SDK1: variants seen among roughly 807,000 people sequenced by gnomAD.
SDK1 encodes the protein sidekick cell adhesion molecule 1.
Under a neutral mutation model 245.5 loss-of-function variants are expected in SDK1, and 157 were observed. The observed-to-expected ratio is 0.64, with a 90% confidence interval of 0.56 to 0.73. SDK1 has a LOEUF of 0.73. SDK1 is among the 30% of genes least tolerant of loss of function. The pLI is 0.00. For synonymous variants in SDK1, 1,647 were observed against 1,278.5 expected (o/e 1.29, Z -6.15); for missense variants, 3,583 against 3,002.3 (o/e 1.19, Z -4.52).
chr7:3,677,040 G>C (rs1783924212), intron 4 of SDK1, among the ~76,000 whole-genome samples: 1 of 152,108 alleles, frequency 6.6e-6, no homozygotes, highest in Admixed American at 6.6e-5. Flanking sequence ...TGGCCTCTGG[G>C]ATGTTTGTTT....
intron 1 of SDK1, among the ~76,000 whole-genome samples, chr7:3,536,676 A>G (rs909455784): frequency 3.3e-5 from 5 of 151,946 alleles, no homozygotes; most frequent in Non-Finnish European, 7.4e-5. Flanking sequence ...CCTGGGCAAC[A>G]GAGTGGGACT....
chr7:3,949,404 T>G (rs777617999), intron 5 of SDK1, among the ~76,000 whole-genome samples: 1 of 152,210 alleles, frequency 6.6e-6, no homozygotes, highest in Non-Finnish European at 1.5e-5. Flanking sequence ...TCAGAGCTGA[T>G]GAGAAGCCCG....
chr7:4,158,521 G>C lies in SDK1; in HGVS notation c.4699G>C (p.Glu1567Gln). 1.2e-6 allele frequency: 2 copies of C among 1,613,792 alleles called. No individual in the cohort carries two copies. Among genetic ancestry groups the C allele is most frequent in the South Asian group, 1.1e-5 (1 of 91,086 alleles). Residue 1567 changes from glutamate (E) to glutamine (Q), a missense_variant, in exon 31 of 45, where the codon GAG becomes CAG. Coordinates refer to ENST00000404826, the MANE Select transcript of SDK1 (RefSeq NM_152744.4). ...CATTGGGGACAGTGACTTCAGTTCA[G>C]AGACAGAGGCGGTGACCACGCTGCA... ...NDIGDSDFSSETEAVTTLQDV... is the reference protein window; with the variant it reads ...NDIGDSDFSSQTEAVTTLQDV...
chr7:3,917,014 C>CT (rs748943991), intron 5 of SDK1, among the ~76,000 whole-genome samples: 26 of 152,190 alleles, frequency 1.7e-4, no homozygotes, highest in Non-Finnish European at 2.9e-4. Context: ...AGCTCACAGA[C>CT]TGGGGGCAAA....
At chr7:3,424,686 C>T (rs572414899) in intron 1 of SDK1, among the ~76,000 whole-genome samples, 4 of 152,124 alleles carry the variant, frequency 2.6e-5, no homozygotes, top group South Asian at 2.1e-4. Context: ...CGCTTGAGGC[C>T]GGGAGTTCGA....
intron 30 of SDK1, among the ~76,000 whole-genome samples, chr7:4,157,115 G>A (rs920437324): frequency 2.0e-5 from 3 of 152,146 alleles, no homozygotes; most frequent in Admixed American, 6.5e-5. Flanking sequence ...GGGTTGCAGG[G>A]CGGGTCCCTG....
At chr7:3,701,686 G>A (rs999835847) in intron 4 of SDK1, among the ~76,000 whole-genome samples, 2 of 152,004 alleles carry the variant, frequency 1.3e-5, no homozygotes, top group Non-Finnish European at 2.9e-5. Flanking sequence ...TGGAAAAGAC[G>A]GATAAGGTAC....
chr7:4,255,851 G>T (rs749367130), intron 44 of SDK1, among the ~76,000 whole-genome samples: 1 of 151,524 alleles, frequency 6.6e-6, no homozygotes, highest in Non-Finnish European at 1.5e-5. Flanking sequence ...GAGATTTAGC[G>T]CAGATCTTGT....
intron 42 of SDK1, among the ~76,000 whole-genome samples, chr7:4,239,240 A>G (rs539871419): frequency 5.2e-4 from 79 of 152,314 alleles, no homozygotes; most frequent in Non-Finnish European, 8.4e-4. Flanking sequence ...ATTTACATGA[A>G]GGCCAGGAAC....
intron 1 of SDK1, among the ~76,000 whole-genome samples, chr7:3,465,621 G>T (rs181772275): frequency 6.6e-6 from 1 of 152,108 alleles, no homozygotes; most frequent in African/African-American, 2.4e-5. Context: ...GTGAACACAC[G>T]CATCCTGATT....
At chr7:4,215,673 G>A (rs1408608857) in intron 38 of SDK1, among the ~76,000 whole-genome samples, 1 of 152,260 alleles carries the variant, frequency 6.6e-6, no homozygotes, top group Non-Finnish European at 1.5e-5. Context: ...TTTGGTGGTG[G>A]TGGTTTTGAG....
intron 19 of SDK1, among the ~76,000 whole-genome samples, chr7:4,059,384 C>T (rs1308928708): frequency 6.6e-6 from 1 of 152,100 alleles, no homozygotes; most frequent in African/African-American, 2.4e-5. Context: ...ATGAATTCAA[C>T]AAGAGGATAT....
intron 28 of SDK1, among the ~76,000 whole-genome samples, chr7:4,137,473 C>A (rs1335174608): frequency 3.9e-5 from 6 of 152,182 alleles, no homozygotes; most frequent in African/African-American, 1.4e-4. Context: ...GGTTCTGGAA[C>A]TTGTCTCAGG....
intron 35 of SDK1, among the ~76,000 whole-genome samples, chr7:4,200,091 T>TC (rs1052520712): frequency 2.6e-5 from 4 of 151,684 alleles, no homozygotes; most frequent in African/African-American, 9.7e-5. Flanking sequence ...TGATACTCCA[T>TC]CCCCCCACCC....
intron 1 of SDK1, among the ~76,000 whole-genome samples, chr7:3,589,657 G>A (rs1181957138): frequency 6.6e-6 from 1 of 152,184 alleles, no homozygotes; most frequent in African/African-American, 2.4e-5. Flanking sequence ...AGGCAAGAGA[G>A]CATGTGCAGA....
At chr7:3,409,854 C>G (rs1053946418) in intron 1 of SDK1, among the ~76,000 whole-genome samples, 3 of 152,064 alleles carry the variant, frequency 2.0e-5, no homozygotes, top group Non-Finnish European at 1.5e-5. Context: ...TGGAACTCTC[C>G]TAGCAGAGTT....
At chr7:3,468,110 A>T (rs532965876) in intron 1 of SDK1, among the ~76,000 whole-genome samples, 79 of 152,328 alleles carry the variant, frequency 5.2e-4, no homozygotes, top group African/African-American at 1.8e-3. Flanking sequence ...AGCAGAGAGA[A>T]ATCATTCATT....
At chr7:3,485,330 G>A (rs1413704185) in intron 1 of SDK1, among the ~76,000 whole-genome samples, 2 of 152,074 alleles carry the variant, frequency 1.3e-5, no homozygotes, top group Admixed American at 6.6e-5. Flanking sequence ...CAGATACTTT[G>A]CCCATTTAAA....
At chr7:4,008,167 C>T (rs763731710) in intron 14 of SDK1, among the ~76,000 whole-genome samples, 4 of 152,198 alleles carry the variant, frequency 2.6e-5, no homozygotes, top group Admixed American at 6.5e-5. Context: ...TGACTTATTT[C>T]ATGTAGTATA....
Sources: allele counts gnomAD v4.1 joint callset (sites outside exome capture counted in the v4.1 genomes callset), GRCh38; gene constraint gnomAD v4.1.1; transcripts MANE v1.5; gene names NCBI Gene and HGNC (gene_info 2026-07-23, HGNC 2026-07-21).